CRBN: variants seen among roughly 807,000 people sequenced by gnomAD.
CRBN encodes the protein protein cereblon.
A neutral mutation model predicts 62.2 loss-of-function variants in CRBN; 53 were observed. The observed-to-expected ratio is 0.85, with a 90% CI of 0.68 to 1.07. The LOEUF (loss-of-function observed/expected upper bound fraction) is 1.07, where lower values mean the gene tolerates loss of function less well. Ranked by LOEUF, CRBN falls within the 50% of genes least tolerant of loss-of-function variation. The pLI is 0.00. For missense variants in CRBN, 616 were observed against 531.1 expected (o/e 1.16, Z -1.57); for synonymous variants, 208 against 176.1 (o/e 1.18, Z -1.43).
Position 3,152,500 on chromosome 3 carries a change from C to G in CRBN, c.1104G>C (p.Leu368Phe). 2 of 1,613,954 alleles carry G rather than the reference C, an allele frequency of 1.2e-6. No individual in the cohort carries two copies. Among genetic ancestry groups the G allele is most frequent in the Non-Finnish European group, 1.7e-6 (2 of 1,179,970 alleles). ...CTGTAGAAGGCCGGCCTATCAGATT[C>G]AAGTTGCAAGCCTTATACACAGTAA... ...ETLTVYKACN[L>F]NLIGRPSTEH... The change falls in exon 10 of 11, where the codon TTG (leucine) becomes TTC (phenylalanine). Residue 368 changes from leucine (L) to phenylalanine (F), a missense_variant. Coordinates refer to ENST00000231948, the MANE Select transcript of CRBN (RefSeq NM_016302.4).
chr3:3,151,148 A>G (rs1296761489), intron 10 of CRBN, 103 bp from the exon 11 acceptor site: 13 of 1,202,342 alleles, frequency 1.1e-5, no homozygotes, highest in South Asian at 7.9e-5. Context: ...AATTCTAAGG[A>G]TTAGAGATTC....
At chr3:3,169,942 C>T (rs1707532156) in intron 4 of CRBN, among the ~76,000 whole-genome samples, 1 of 151,972 alleles carries the variant, frequency 6.6e-6, no homozygotes, top group Non-Finnish European at 1.5e-5. Flanking sequence ...CCCCCCTCCG[C>T]CCTCCCCAAC....
intron 4 of CRBN, among the ~76,000 whole-genome samples, chr3:3,168,247 A>G (rs1707432751): frequency 6.6e-6 from 1 of 152,198 alleles, no homozygotes; most frequent in African/African-American, 2.4e-5. Context: ...TAGAGAAAGG[A>G]AGAGAAAAAT....
intron 1 of CRBN, among the ~76,000 whole-genome samples, chr3:3,179,039 T>C (rs1164613678): frequency 6.6e-6 from 1 of 151,964 alleles, no homozygotes; most frequent in African/African-American, 2.4e-5. Flanking sequence ...AGAGAAGTGG[T>C]TTAGAGATAT....
intron 5 of CRBN, among the ~76,000 whole-genome samples, chr3:3,157,436 G>A (rs192646803): frequency 3.3e-5 from 5 of 152,252 alleles, no homozygotes; most frequent in African/African-American, 1.2e-4. Context: ...GAATAAGGTA[G>A]ATCAAAAGGC....
chr3:3,154,869 G>T, intron 6 of CRBN, 38 bp from the exon 7 acceptor site: 1 of 1,176,596 alleles, frequency 8.5e-7, no homozygotes, highest in Non-Finnish European at 1.3e-6. Context: ...CAAGTTCATG[G>T]GCTTATTAAA....
At chr3:3,171,064 C>A (rs935025846) in intron 4 of CRBN, among the ~76,000 whole-genome samples, 4 of 152,130 alleles carry the variant, frequency 2.6e-5, no homozygotes, top group African/African-American at 9.7e-5. Context: ...CTTGGCCTCC[C>A]AAAATACTGG....
intron 1 of CRBN, 69 bp downstream of exon 1, chr3:3,179,552 C>A: frequency 1.3e-6 from 2 of 1,504,990 alleles, no homozygotes; most frequent in South Asian, 2.3e-5. Flanking sequence ...CTCCCAGGCC[C>A]AGCTGCACCG....
At position 3,179,611 on chromosome 3, in the gene CRBN, G is replaced by A; in HGVS notation, c.67+10C>T. 1 of 1,613,268 alleles carries A rather than the reference G, an allele frequency of 6.2e-7. No individual in the cohort carries two copies. The highest frequency in any genetic ancestry group is 8.5e-7 in the Non-Finnish European group (1 of 1,179,342). The stretch of plus-strand genomic sequence containing the variant: ...ACTCCCGACTACAGGGAACTACTCC[G>A]GGCGGTTACCAGGCAGGAGCGGCAG... On this transcript the variant is annotated intron_variant, in intron 1 of 10. Coordinates refer to ENST00000231948, the MANE Select transcript of CRBN (RefSeq NM_016302.4).
chr3:3,158,073 G>A (rs752909900), intron 5 of CRBN, among the ~76,000 whole-genome samples: 15 of 152,114 alleles, frequency 9.9e-5, no homozygotes, highest in South Asian at 4.1e-4. Context: ...AAGATCAGCC[G>A]TCCCCAACCT....
rs1575101670 is a variant in CRBN at position 3,175,133 on chromosome 3, T to C, written c.174+30A>G. 9.2e-6 allele frequency: 12 copies of C among 1,305,100 alleles called. No homozygotes were observed. The East Asian group carries it at 2.8e-4, about 30-fold the overall frequency. 80.8% of individuals were successfully genotyped at this position (1,305,100 alleles called of 1,614,324 possible). On this transcript the variant is annotated intron_variant, in intron 2 of 10. Transcript: ENST00000231948. ...TTATCTACATTTAAATGTATATCTA[T>C]TATATTAGATCTGTCACTAAATTAC...
chr3:3,164,393 G>A (rs1707247032), intron 5 of CRBN, among the ~76,000 whole-genome samples: 1 of 152,156 alleles, frequency 6.6e-6, no homozygotes, highest in Admixed American at 6.5e-5. Flanking sequence ...AAGTTTTAAT[G>A]GTCTGGACAG....
At chr3:3,178,580 T>G (rs1707928851) in intron 1 of CRBN, among the ~76,000 whole-genome samples, 1 of 152,190 alleles carries the variant, frequency 6.6e-6, no homozygotes, top group Non-Finnish European at 1.5e-5. Context: ...TGAAAGGCTT[T>G]TTCCCAAATC....
At chr3:3,171,046 C>T (rs1200643243) in intron 4 of CRBN, among the ~76,000 whole-genome samples, 3 of 152,144 alleles carry the variant, frequency 2.0e-5, no homozygotes, top group Non-Finnish European at 2.9e-5. Flanking sequence ...CTCAGGTGAT[C>T]GTCCTGCCTT....
chr3:3,177,309 C>T lies in CRBN; in HGVS notation c.68-2040G>A, dbSNP rs765491026. ...CATATCATTATTTAAGTCAAACCAC[C>T]TCTAGCCAGGCCCCTGACAGAAAAT... On this transcript the variant is annotated intron_variant, in intron 1 of 10. Transcript: ENST00000231948. Among the ~76,000 whole-genome samples, 80 of 152,290 alleles carry T rather than the reference C, an allele frequency of 5.3e-4. 1 individual carries two copies. Among genetic ancestry groups the T allele is most frequent in the Middle Eastern group, 3.4e-3 (1 of 294 alleles).
chr3:3,165,474 C>G (rs1289576076), intron 5 of CRBN, among the ~76,000 whole-genome samples: 1 of 152,138 alleles, frequency 6.6e-6, no homozygotes, highest in Non-Finnish European at 1.5e-5. Context: ...CAACCACTAC[C>G]CTGATTAGTC....
Position 3,152,509 on chromosome 3 carries a change from A to G in CRBN, c.1095T>C (p.Ala365=), listed in dbSNP as rs1285910655. The change falls in exon 10 of 11, where the codon GCT becomes GCC. Residue 365 remains alanine (A), a synonymous_variant. Transcript: ENST00000231948. The part of the protein sequence containing the change: ...YVHETLTVYK[A]CNLNLIGRPS... The stretch of plus-strand genomic sequence containing the variant: ...GCCGGCCTATCAGATTCAAGTTGCA[A>G]GCCTTATACACAGTAAGTGTCTCAT... 6.2e-7 allele frequency: 1 copy of G among 1,614,126 alleles called. No homozygotes were observed. The highest frequency in any genetic ancestry group is 1.1e-5 in the South Asian group (1 of 91,086).
At chr3:3,178,545 G>A (rs1271842451) in intron 1 of CRBN, among the ~76,000 whole-genome samples, 2 of 152,078 alleles carry the variant, frequency 1.3e-5, no homozygotes, top group Non-Finnish European at 2.9e-5. Context: ...CTAAATATGT[G>A]CTTTTAGATG....
chr3:3,153,578 A>AT, intron 8 of CRBN, 90 bp from the exon 9 acceptor site: 1 of 800,804 alleles, frequency 1.2e-6, no homozygotes, highest in South Asian at 1.4e-5. Context: ...ACTTACTTAT[A>AT]AAGATATTGC....
Sources: gnomAD v4.1 joint callset for allele counts (sites outside exome capture counted in the v4.1 genomes callset) on GRCh38, gnomAD v4.1.1 for gene constraint, MANE v1.5 for transcripts, NCBI Gene and HGNC (gene_info 2026-07-23, HGNC 2026-07-21) for gene names.